Variants in WDHD1 observed in about 807,000 individuals in gnomAD.
The protein encoded by WDHD1 is WD repeat and HMG-box DNA-binding protein 1.
WDHD1 carries 111 observed loss-of-function variants against 135.4 expected under a neutral mutation model. The ratio of observed to expected loss-of-function variants is 0.82; its 90% CI spans 0.70 to 0.96. WDHD1 has a LOEUF of 0.96. Ranked by LOEUF, WDHD1 falls within the 40% of genes least tolerant of loss-of-function variation. WDHD1 has a pLI of 0.00. For synonymous variants in WDHD1, 434 were observed against 439.0 expected (o/e 0.99, Z 0.14); for missense variants, 1,351 against 1,336.3 (o/e 1.01, Z -0.17).
At chr14:55,018,002 T>A (rs1264643361) in intron 2 of WDHD1, among the ~76,000 whole-genome samples, 1 of 152,016 alleles carries the variant, frequency 6.6e-6, no homozygotes, top group African/African-American at 2.4e-5. Flanking sequence ...TCCTCCCACC[T>A]CAGCAGCGCA....
At chr14:54,962,256 CAT>C (rs1484052755) in intron 21 of WDHD1, among the ~76,000 whole-genome samples, 5 of 152,326 alleles carry the variant, frequency 3.3e-5, no homozygotes, top group African/African-American at 4.8e-5. Flanking sequence ...ATCAACCACA[CAT>C]GTCTGTTTGA....
intron 16 of WDHD1, among the ~76,000 whole-genome samples, chr14:54,980,070 A>G (rs1300222250): frequency 1.3e-5 from 2 of 152,038 alleles, no homozygotes; most frequent in Non-Finnish European, 2.9e-5. Context: ...CATGCCTGTA[A>G]TCCCAACACT....
intron 15 of WDHD1, among the ~76,000 whole-genome samples, chr14:54,982,723 C>T (rs1376619299): frequency 6.6e-6 from 1 of 152,080 alleles, no homozygotes; most frequent in African/African-American, 2.4e-5. Flanking sequence ...ATTATTAAAG[C>T]CTGAATGACT....
intron 24 of WDHD1, among the ~76,000 whole-genome samples, chr14:54,949,691 A>G (rs905353233): frequency 1.3e-5 from 2 of 152,214 alleles, no homozygotes; most frequent in African/African-American, 2.4e-5. Flanking sequence ...ACTCCAAGAC[A>G]CATAATTGTC....
intron 25 of WDHD1, among the ~76,000 whole-genome samples, chr14:54,941,923 G>C (rs1261170193): frequency 3.3e-5 from 5 of 151,970 alleles, no homozygotes; most frequent in Non-Finnish European, 7.4e-5. Flanking sequence ...AATCATATTA[G>C]TTGCAAAATA....
At chr14:55,000,047 C>A (rs2041953613) in intron 10 of WDHD1, among the ~76,000 whole-genome samples, 1 of 152,150 alleles carries the variant, frequency 6.6e-6, no homozygotes, top group African/African-American at 2.4e-5. Context: ...AACCAGAAGT[C>A]TAAACTAAGA....
chr14:54,990,483 C>CT (rs1211658567), intron 12 of WDHD1, among the ~76,000 whole-genome samples: 1 of 151,806 alleles, frequency 6.6e-6, no homozygotes, highest in Non-Finnish European at 1.5e-5. Flanking sequence ...GTAGTCCCAG[C>CT]TACTCGGGAG....
At chr14:55,010,501 T>C (rs1442077469) in intron 3 of WDHD1, 41 bp from the exon 4 acceptor site, 1 of 1,460,854 alleles carries the variant, frequency 6.8e-7, no homozygotes, top group Non-Finnish European at 9.1e-7. Flanking sequence ...GCAAAACAAA[T>C]CCAAATGACT....
chr14:54,943,656 C>G (rs777299947), intron 25 of WDHD1, among the ~76,000 whole-genome samples: 1 of 152,128 alleles, frequency 6.6e-6, no homozygotes, highest in Non-Finnish European at 1.5e-5. Flanking sequence ...CCTTGGCCTC[C>G]CAAAGTGCTA....
At chr14:54,950,098 T>C (rs1276291639) in intron 24 of WDHD1, among the ~76,000 whole-genome samples, 2 of 152,216 alleles carry the variant, frequency 1.3e-5, no homozygotes, top group Admixed American at 6.5e-5. Context: ...ATGAGCAAAG[T>C]AACCAGCTAA....
At chr14:55,022,919 G>A (rs1175012657) in intron 2 of WDHD1, among the ~76,000 whole-genome samples, 2 of 151,130 alleles carry the variant, frequency 1.3e-5, no homozygotes, top group Non-Finnish European at 2.9e-5. Context: ...CCACCTCCCG[G>A]GTTCAAGTGA....
chr14:54,945,296 CA>C (rs1438980442), intron 24 of WDHD1, among the ~76,000 whole-genome samples: 3 of 152,204 alleles, frequency 2.0e-5, no homozygotes, highest in African/African-American at 7.2e-5. Flanking sequence ...TTAAGTCACA[CA>C]AGTGAAGGTT....
chr14:54,964,363 G>A (rs572633646), intron 18 of WDHD1, among the ~76,000 whole-genome samples: 2 of 151,696 alleles, frequency 1.3e-5, no homozygotes, highest in East Asian at 2.0e-4. Context: ...AAAGGAAGCC[G>A]GGCGCAGTGG....
intron 24 of WDHD1, among the ~76,000 whole-genome samples, chr14:54,950,295 G>A (rs1196334433): frequency 6.6e-6 from 1 of 152,120 alleles, no homozygotes; most frequent in Admixed American, 6.5e-5. Context: ...AGGGATGGAG[G>A]AAGATCTACC....
intron 2 of WDHD1, among the ~76,000 whole-genome samples, chr14:55,014,819 T>C (rs879799867): frequency 1.3e-5 from 2 of 151,870 alleles, no homozygotes; most frequent in Non-Finnish European, 2.9e-5. Context: ...AAAAGATTCA[T>C]AAGAAAGATG....
At chr14:55,016,944 A>C (rs530570643) in intron 2 of WDHD1, among the ~76,000 whole-genome samples, 117 of 152,380 alleles carry the variant, frequency 7.7e-4, no homozygotes, top group African/African-American at 2.7e-3. Flanking sequence ...ACAGCAAAAG[A>C]ACTTTCAAAC....
chr14:54,966,352 C>CAAA (rs1453224940), intron 18 of WDHD1, 123 bp downstream of exon 18: 72 of 1,232,030 alleles, frequency 5.8e-5, no homozygotes, highest in South Asian at 3.6e-5. Context: ...ACAACAACAA[C>CAAA]AACAAAAAAA....
intron 25 of WDHD1, among the ~76,000 whole-genome samples, chr14:54,944,020 G>A (rs138428547): frequency 3.9e-4 from 59 of 151,818 alleles, no homozygotes; most frequent in East Asian, 1.5e-3. Flanking sequence ...CCATATATCC[G>A]CACTTACTTT....
chr14:55,016,580 C>G (rs996241796), intron 2 of WDHD1, among the ~76,000 whole-genome samples: 1 of 152,186 alleles, frequency 6.6e-6, no homozygotes. Context: ...TCTTGTGAAG[C>G]ATGATTCTTC....
Sources: gnomAD v4.1 joint callset for allele counts (sites outside exome capture counted in the v4.1 genomes callset) on GRCh38, gnomAD v4.1.1 for gene constraint, MANE v1.5 for transcripts, NCBI Gene and HGNC (gene_info 2026-07-23, HGNC 2026-07-21) for gene names.